Variants in AGL observed in about 807,000 individuals in gnomAD.
AGL encodes amylo-alpha-1,6-glucosidase and 4-alpha-glucanotransferase, also known as glycogen debranching enzyme.
In AGL, 128 loss-of-function variants were observed where a neutral mutation model predicts 199.3. The observed-to-expected ratio is 0.64, with a 90% CI of 0.56 to 0.74. The LOEUF (loss-of-function observed/expected upper bound fraction) is 0.74, where lower values mean the gene tolerates loss of function less well. Among genes scored for constraint, AGL ranks in the 30% least tolerant of loss-of-function variants. The probability of loss-of-function intolerance (pLI) is 0.00; values close to 1 mark genes in which losing one functional copy is unlikely to be tolerated. For missense variants in AGL, 1,809 were observed against 1,820.8 expected, an observed-to-expected ratio of 0.99 and a Z score of 0.12; for synonymous variants, 584 against 594.7, an observed-to-expected ratio of 0.98 and a Z score of 0.26.
At chr1:99,855,552 G>A (rs1170001494) in intron 2 of AGL, among the ~76,000 whole-genome samples, 1 of 152,114 alleles carries the variant, frequency 6.6e-6, no homozygotes, top group Non-Finnish European at 1.5e-5. Context: ...TGTAATCCCG[G>A]CACTTTGGGA....
rs1397134047 is a variant in AGL at position 99,881,462 on chromosome 1, A to C, written c.2157+15A>C. The C allele has an allele frequency of 6.2e-7, 1 of 1,613,904 alleles. No homozygotes were observed. The highest frequency in any genetic ancestry group is 1.3e-5 in the African/African-American group (1 of 74,910). ...GTTTTATTCAGGCAAGAAATAATTA[A>C]ATTTGTTTCTTCAGGTTCAATTTCA... On this transcript the variant is annotated intron_variant, in intron 16 of 33. Coordinates refer to ENST00000361915, the MANE Select transcript of AGL (RefSeq NM_000642.3).
At chr1:99,899,911 C>G (rs191988930) in intron 25 of AGL, among the ~76,000 whole-genome samples, 7 of 151,388 alleles carry the variant, frequency 4.6e-5, no homozygotes, top group African/African-American at 1.5e-4. Flanking sequence ...TGAGCCACCA[C>G]GCCCGGCCTT....
chr1:99,892,587 G>A lies in AGL; in HGVS notation c.3239G>A (p.Cys1080Tyr), dbSNP rs780870813. 2 of 1,613,456 alleles carry A rather than the reference G, an allele frequency of 1.2e-6. No individual in the cohort carries two copies. The highest frequency in any genetic ancestry group is 1.7e-6 in the Non-Finnish European group (2 of 1,179,596). ...LNEITKEKEQ[C>Y]CVSLAAGLPH... ...GAGATCACAAAAGAAAAGGAGCAAT[G>A]TTGTGTTTCTCTAGCTGCAGGTAAG... is the stretch of plus-strand genomic sequence containing the variant. The change falls in exon 24 of 34, where the codon TGT becomes TAT. Residue 1080 changes from cysteine (C) to tyrosine (Y), a missense_variant. Coordinates refer to ENST00000361915, the MANE Select transcript of AGL (RefSeq NM_000642.3).
intron 1 of AGL, 90 bp from the exon 2 acceptor site, chr1:99,850,885 C>T (rs1054599524): frequency 5.1e-5 from 37 of 722,530 alleles, no homozygotes; most frequent in Admixed American, 4.7e-4. Context: ...AGGCATAAAA[C>T]ACACTTCGAA....
Position 99,881,684 on chromosome 1 carries a change from C to T in AGL, c.2301C>T (p.Cys767=), listed in dbSNP as rs1241012027. Residue 767 remains cysteine, a synonymous_variant, in exon 17 of 34, where the codon TGC becomes TGT. Transcript: ENST00000361915. ...ACAGCAAGGAAGTGCCTCAAATGTG[C>T]ATCCCTGGTAATGCAATCTAAAAAT... ...SFYSKEVPQM[C]IPGKIEEVVL... is the part of the protein sequence containing the mutation. The T allele has an allele frequency of 1.2e-6, 2 of 1,613,516 alleles. No individual in the cohort carries two copies. Among genetic ancestry groups the T allele is most frequent in the African/African-American group, 2.7e-5 (2 of 74,852 alleles).
chr1:99,903,331 C>T lies in AGL; in HGVS notation c.3700+537C>T, dbSNP rs181697939. On this transcript the variant is annotated intron_variant, in intron 27 of 33. Transcript: ENST00000361915. ...CCCCAGTATGTGATATTCCCCTTCC[C>T]GTGTCCAAGTATTCTCATTGTTCAG... Among the ~76,000 whole-genome samples the T allele has an allele frequency of 4.6e-5, 7 of 152,180 alleles. No homozygotes were observed. The East Asian group carries it at 7.7e-4, about 17-fold the overall frequency.
intron 8 of AGL, 136 bp from the exon 9 acceptor site, chr1:99,875,018 T>C (rs560301437): frequency 1.5e-4 from 150 of 1,028,106 alleles, no homozygotes; most frequent in Non-Finnish European, 1.9e-4. Flanking sequence ...ATTTTTACAA[T>C]TGGAAAACAT....
At chr1:99,879,668 T>G (rs981133549) in intron 12 of AGL, among the ~76,000 whole-genome samples, 2 of 152,158 alleles carry the variant, frequency 1.3e-5, no homozygotes, top group Admixed American at 1.3e-4. Flanking sequence ...TTACATTTAG[T>G]AATATGAAAC....
At chr1:99,881,236 TA>T (rs1234023482) in intron 15 of AGL, 55 bp from the exon 16 acceptor site, 32 of 1,613,094 alleles carry the variant, frequency 2.0e-5, no homozygotes, top group Admixed American at 3.3e-5. Context: ...GCATTTTTAT[TA>T]AAAAAAATTC....
chr1:99,922,194 G>A lies in AGL; in HGVS notation c.*543G>A, dbSNP rs1311322537. On this transcript the variant is annotated 3_prime_UTR_variant, in exon 34 of 34. Transcript: ENST00000361915. ...AATGGAGCACAGATGTTCAAACTAT[G>A]CTTTCATTTTTTCACTGATATATTA... is the stretch of plus-strand genomic sequence containing the variant. The A allele has an allele frequency of 1.3e-5, 2 of 151,748 alleles. No homozygotes were observed. The highest frequency in any genetic ancestry group is 4.8e-5 in the African/African-American group (2 of 41,390). 9.4% of individuals were successfully genotyped at this position (151,748 alleles called of 1,614,324 possible).
chr1:99,880,867 A>T, intron 14 of AGL, 72 bp downstream of exon 14: 2 of 1,525,138 alleles, frequency 1.3e-6, no homozygotes, highest in South Asian at 2.2e-5. Context: ...ACACTTGGTC[A>T]CAATCATACC....
chr1:99,859,182 A>G (rs191999525), intron 2 of AGL, among the ~76,000 whole-genome samples: 63 of 152,320 alleles, frequency 4.1e-4, no homozygotes, highest in Admixed American at 2.5e-3. Context: ...AAATTTAGTC[A>G]TTCTTGTGAG....
At position 99,923,583 on chromosome 1, in the gene AGL, AAG is replaced by A. The variant is rs1401575368; in HGVS notation, c.*1934_*1935del. On this transcript the variant is annotated 3_prime_UTR_variant, in exon 34 of 34. Coordinates refer to ENST00000361915, the MANE Select transcript of AGL (RefSeq NM_000642.3). Reference sequence around the variant, plus strand: ...TATTTCTAATGAGGAAGATTAATGAAAGAACATTGTTATATTCTGCGTGGTAT... The same window carrying A: ...TATTTCTAATGAGGAAGATTAATGAAAACATTGTTATATTCTGCGTGGTAT... 4.6e-5 allele frequency: 7 copies of A among 152,188 alleles called. No homozygotes were observed. Among genetic ancestry groups the A allele is most frequent in the African/African-American group, 1.4e-4 (6 of 41,450 alleles). 9.4% of individuals were successfully genotyped at this position (152,188 alleles called of 1,614,324 possible).
intron 30 of AGL, among the ~76,000 whole-genome samples, chr1:99,915,152 T>G (rs1250023355): frequency 1.3e-5 from 2 of 152,178 alleles, no homozygotes; most frequent in Non-Finnish European, 2.9e-5. Context: ...CTGAGTAACT[T>G]TCTTGAGGTG....
intron 26 of AGL, among the ~76,000 whole-genome samples, chr1:99,901,868 A>G (rs1013019709): frequency 6.6e-6 from 1 of 152,238 alleles, no homozygotes; most frequent in Admixed American, 6.5e-5. Context: ...CATTTGTCCA[A>G]AATTTTTTTA....
At chr1:99,879,630 AAACCT>A (rs1651841989) in intron 12 of AGL, among the ~76,000 whole-genome samples, 1 of 152,084 alleles carries the variant, frequency 6.6e-6, no homozygotes, top group Admixed American at 6.6e-5. Context: ...AACAGGGAGA[AAACCT>A]AACAGAATTG....
intron 7 of AGL, among the ~76,000 whole-genome samples, chr1:99,874,119 G>A (rs1274258025): frequency 6.6e-6 from 1 of 151,982 alleles, no homozygotes; most frequent in Non-Finnish European, 1.5e-5. Flanking sequence ...TTCTTTTAGA[G>A]AATTCAAAGA....
At chr1:99,887,777 G>T (rs1390711086) in intron 20 of AGL, among the ~76,000 whole-genome samples, 3 of 152,018 alleles carry the variant, frequency 2.0e-5, no homozygotes, top group African/African-American at 7.2e-5. Flanking sequence ...GAGTAATGTC[G>T]CTTCTAATTG....
At chr1:99,914,963 C>G (rs1467950060) in intron 30 of AGL, among the ~76,000 whole-genome samples, 3 of 152,064 alleles carry the variant, frequency 2.0e-5, no homozygotes, top group Non-Finnish European at 4.4e-5. Flanking sequence ...ACCTGTAGTC[C>G]CAGCTGCTCA....
Sources: allele counts gnomAD v4.1 joint callset (sites outside exome capture counted in the v4.1 genomes callset), GRCh38; gene constraint gnomAD v4.1.1; transcripts MANE v1.5; gene names NCBI Gene and HGNC (gene_info 2026-07-23, HGNC 2026-07-21).